Variants in CBARP observed in about 807,000 individuals in gnomAD.
CBARP encodes the protein voltage-dependent calcium channel beta subunit-associated regulatory protein.
A neutral mutation model predicts 36.3 loss-of-function variants in CBARP; 24 were observed. The ratio of observed to expected loss-of-function variants is 0.66; its 90% confidence interval spans 0.48 to 0.93. The LOEUF is 0.93. Ranked by LOEUF, CBARP falls within the 40% of genes least tolerant of loss-of-function variation. The probability of loss-of-function intolerance (pLI) is 0.00; values close to 1 mark genes in which losing one functional copy is unlikely to be tolerated. For missense variants in CBARP, 1,146 were observed against 980.4 expected (o/e 1.17, Z -2.26); for synonymous variants, 586 against 453.2 (o/e 1.29, Z -3.72).
chr19:1,237,540 C>T (rs946862359), intron 1 of CBARP, among the ~76,000 whole-genome samples: 1 of 152,062 alleles, frequency 6.6e-6, no homozygotes, highest in Non-Finnish European at 1.5e-5. Flanking sequence ...CGCCATCGTC[C>T]TCGCCCGACC....
intron 5 of CBARP, 52 bp from the exon 6 acceptor site, chr19:1,234,794 C>T: frequency 6.3e-7 from 1 of 1,577,646 alleles, no homozygotes. Flanking sequence ...GCCCGATGCC[C>T]CAGCTGCCGT....
chr19:1,235,434 G>C, intron 4 of CBARP, 67 bp downstream of exon 4: 1 of 1,465,296 alleles, frequency 6.8e-7, no homozygotes, highest in Non-Finnish European at 9.2e-7. Flanking sequence ...GGCAGCCCGA[G>C]GGGGCGGCGG....
intron 1 of CBARP, among the ~76,000 whole-genome samples, chr19:1,237,007 C>T (rs1386406663): frequency 6.6e-6 from 1 of 152,028 alleles, no homozygotes; most frequent in Non-Finnish European, 1.5e-5. Context: ...AAGGAGCCGC[C>T]TGGACGCTGT....
chr19:1,234,123 C>CAAGG (rs2080929692), intron 7 of CBARP, 68 bp downstream of exon 7: 3 of 1,421,192 alleles, frequency 2.1e-6, no homozygotes, highest in Non-Finnish European at 2.8e-6. Context: ...TGGTCCTGGA[C>CAAGG]TGGGGACAGG....
intron 1 of CBARP, 141 bp from the exon 2 acceptor site, chr19:1,236,262 A>T (rs893048461): frequency 9.9e-6 from 12 of 1,217,892 alleles, no homozygotes; most frequent in Non-Finnish European, 9.5e-6. Flanking sequence ...AGCCGGAGGC[A>T]GCCTCCACCC....
intron 9 of CBARP, chr19:1,230,755 C>G: frequency 7.4e-7 from 1 of 1,354,732 alleles, no homozygotes; most frequent in Non-Finnish European, 9.5e-7. Flanking sequence ...TCTGCCCAGC[C>G]TTGGGAGCAT....
chr19:1,235,936 G>A lies in CBARP; in HGVS notation c.106-18C>T, dbSNP rs112268194. 4 of 1,603,354 alleles carry A rather than the reference G, an allele frequency of 2.5e-6. No homozygotes were observed. Among genetic ancestry groups the A allele is most frequent in the East Asian group, 2.2e-5 (1 of 44,702 alleles). On this transcript the variant is annotated intron_variant, in intron 2 of 9. Coordinates refer to ENST00000650044, the MANE Select transcript of CBARP (RefSeq NM_001393918.1). ...GGCTCTGCCTGCGGGTGTGCAGGGG[G>A]GGTCAGGTGCTGCTGGCCTGGACGA...
At position 1,234,345 on chromosome 19, in the gene CBARP, C is replaced by G. The variant is rs957052614; in HGVS notation, c.628-14G>C. The G allele has an allele frequency of 3.3e-5, 48 of 1,440,990 alleles. No homozygotes were observed. Among genetic ancestry groups the G allele is most frequent in the Non-Finnish European group, 4.2e-5 (46 of 1,095,968 alleles). 89.3% of individuals were successfully genotyped at this position (1,440,990 alleles called of 1,614,324 possible). On this transcript the variant is annotated splice_polypyrimidine_tract_variant and intron_variant, in intron 6 of 9. Transcript: ENST00000650044. ...CTTCCCCGGGGGCTGTGGGACAGAG[C>G]CAGGTGGGGGAGGAAGCAGTGACAG...
chr19:1,229,758 T>C lies in CBARP; in HGVS notation c.1539A>G (p.Ala513=). The part of the protein sequence containing the change: ...SGYASIEGRG[A]GDDTEPPAAP... Reference sequence around the variant, plus strand: ...CGGCAGGTGGCTCGGTGTCGTCGCCTGCGCCGCGGCCCTCGATGCTGGCGT... The same window carrying C: ...CGGCAGGTGGCTCGGTGTCGTCGCCCGCGCCGCGGCCCTCGATGCTGGCGT... Residue 513 remains alanine (A), a synonymous_variant, in exon 10 of 10, where the codon GCA becomes GCG. Transcript: ENST00000650044. This position sits in a 1 kb window ranked among gnomAD's most constrained non-coding sequence, Gnocchi z 5.1. The C allele has an allele frequency of 1.0e-6, 1 of 1,001,932 alleles. No homozygotes were observed. Among genetic ancestry groups the C allele is most frequent in the Non-Finnish European group, 1.2e-6 (1 of 837,422 alleles). The allele number at this position is 1,001,932 out of a possible 1,614,324, so 62.1% of individuals were successfully genotyped here.
In CBARP at chr19:1,234,617, G is replaced by T. The variant is rs145276298; in HGVS notation, c.581C>A (p.Thr194Lys). The T allele has an allele frequency of 6.2e-7, 1 of 1,609,408 alleles. No homozygotes were observed. Among genetic ancestry groups the T allele is most frequent in the African/African-American group, 1.3e-5 (1 of 74,914 alleles). ...CTTGGGAGAGGTGGCCGGGTGGGGC[G>T]TGGTGGCTGAGCTGGCCTCGCCTGA... ...CDSGEASSAT[T>K]PHPATSPKAT... Residue 194 changes from threonine to lysine, a missense_variant, in exon 6 of 10, where the codon ACG becomes AAG. Physicochemically the swap from Thr to Lys is moderately conservative, Grantham distance 78. Transcript: ENST00000650044.
intron 9 of CBARP, chr19:1,230,729 C>T: frequency 7.7e-7 from 1 of 1,293,290 alleles, no homozygotes; most frequent in East Asian, 3.1e-5. Flanking sequence ...GTGGTCACAG[C>T]AGCTTCTGAG....
chr19:1,235,673 G>C, intron 3 of CBARP, 106 bp downstream of exon 3: 1 of 1,592,054 alleles, frequency 6.3e-7, no homozygotes, highest in Non-Finnish European at 8.6e-7. Context: ...AGTCTCCAGA[G>C]GCATAGCCCA....
chr19:1,235,997 G>C lies in CBARP; in HGVS notation c.104C>G (p.Thr35Arg), dbSNP rs755136999. 5 of 1,559,558 alleles carry C rather than the reference G, an allele frequency of 3.2e-6. No homozygotes were observed. In the South Asian group the frequency reaches 5.9e-5, roughly 18 times the overall value. ...CTCCCACCTGTCCCCTGCACCCACC[G>C]TGGGGCGTCCAGTGGCATTGTCCCA... ...TSWDNATGRP[T>R]AEPDPILDNY... The change falls in exon 2 of 10, where the codon ACG becomes AGG. Residue 35 changes from threonine (T) to arginine (R), a missense_variant and splice_region_variant. Coordinates refer to ENST00000650044, the MANE Select transcript of CBARP (RefSeq NM_001393918.1).
intron 5 of CBARP, 83 bp from the exon 6 acceptor site, chr19:1,234,825 G>T: frequency 6.5e-7 from 1 of 1,538,552 alleles, no homozygotes; most frequent in Middle Eastern, 1.7e-4. Flanking sequence ...CCACCCTGCC[G>T]GCCTGGGCAG....
At position 1,229,173 on chromosome 19, in the gene CBARP, C is replaced by T. The variant is rs1293383886; in HGVS notation, c.*6G>A. 6.2e-6 allele frequency: 7 copies of T among 1,121,778 alleles called. No individual in the cohort carries two copies. The highest frequency in any genetic ancestry group is 7.8e-6 in the Non-Finnish European group (7 of 896,404). 69.5% of individuals were successfully genotyped at this position (1,121,778 alleles called of 1,614,324 possible). Reference sequence around the variant, plus strand: ...CTGCCAGAGAGATGGGCCCAGGACGCGGGACTTAGGCCGGGCTGTGGTCGG... The same window carrying T: ...CTGCCAGAGAGATGGGCCCAGGACGTGGGACTTAGGCCGGGCTGTGGTCGG... On this transcript the variant is annotated 3_prime_UTR_variant, in exon 10 of 10. Coordinates refer to ENST00000650044, the MANE Select transcript of CBARP (RefSeq NM_001393918.1). This position sits in a 1 kb window ranked among gnomAD's most constrained non-coding sequence, Gnocchi z 5.1.
Position 1,229,319 on chromosome 19 carries a change from G to A in CBARP, c.1978C>T (p.Leu660=), listed in dbSNP as rs868704157. ...GGCPGSGLCV[L]PSGSVLDKLA... is the part of the protein sequence containing the mutation. ...TTGTCCAGCACCGACCCGGATGGTA[G>A]GACGCACAGGCCCGAGCCGGGGCAC... The change falls in exon 10 of 10, where the codon CTA becomes TTA. Residue 660 remains leucine (L), a synonymous_variant. Coordinates refer to ENST00000650044, the MANE Select transcript of CBARP (RefSeq NM_001393918.1). The surrounding 1 kb of genome is among the most constrained non-coding windows in gnomAD (Gnocchi z 5.1). 2.8e-5 allele frequency: 35 copies of A among 1,250,328 alleles called. No homozygotes were observed. Among genetic ancestry groups the A allele is most frequent in the African/African-American group, 9.7e-5 (6 of 61,878 alleles). 77.5% of individuals were successfully genotyped at this position (1,250,328 alleles called of 1,614,324 possible). A position where few individuals can be genotyped will look rare whatever the true frequency, so the allele number is the denominator to read the frequency against.
rs776627830 is a variant in CBARP at position 1,234,810 on chromosome 19, G to A, written c.456-68C>T. 2.6e-6 allele frequency: 4 copies of A among 1,559,444 alleles called. No homozygotes were observed. In the African/African-American group the frequency reaches 4.1e-5, roughly 16 times the overall value. On this transcript the variant is annotated intron_variant, in intron 5 of 9. Transcript: ENST00000650044. ...CCCGATGCCCCAGCTGCCGTGCTCT[G>A]CCATCCACCCTGCCGGCCTGGGCAG... is the stretch of plus-strand genomic sequence containing the variant.
intron 7 of CBARP, 132 bp from the exon 8 acceptor site, chr19:1,233,768 G>T: frequency 1.1e-6 from 1 of 902,018 alleles, no homozygotes; most frequent in Non-Finnish European, 1.6e-6. Context: ...GTACCTGCTC[G>T]GAGAGGGGCA....
chr19:1,235,264 CCGGGCTGG>C, intron 4 of CBARP, 119 bp from the exon 5 acceptor site: 1 of 1,215,804 alleles, frequency 8.2e-7, no homozygotes, highest in Non-Finnish European at 1.1e-6. Flanking sequence ...GCACGGGCGG[CCGGGCTGG>C]CGGGGCGAGG....
Sources: gnomAD v4.1 joint callset for allele counts (sites outside exome capture counted in the v4.1 genomes callset) on GRCh38, gnomAD v4.1.1 for gene constraint, Gnocchi (gnomAD v3.1) non-coding constraint, MANE v1.5 for transcripts, NCBI Gene and HGNC (gene_info 2026-07-23, HGNC 2026-07-21) for gene names.